The following ALK variants were observed in gnomAD, a reference collection of about 807,000 sequenced individuals.
The protein encoded by ALK is ALK tyrosine kinase receptor.
In ALK, 74 loss-of-function variants were observed where a neutral mutation model predicts 163.1. The ratio of observed to expected loss-of-function variants is 0.45; its 90% CI spans 0.38 to 0.55. The LOEUF is 0.55. Among genes scored for constraint, ALK ranks in the 20% least tolerant of loss-of-function variants. ALK has a pLI of 0.00. For synonymous variants in ALK, 960 were observed against 843.2 expected (o/e 1.14, Z -2.40); for missense variants, 2,063 against 2,105.3 (o/e 0.98, Z 0.39).
At chr2:29,732,174 G>C (rs770128986) in intron 1 of ALK, among the ~76,000 whole-genome samples, 2 of 152,148 alleles carry the variant, frequency 1.3e-5, no homozygotes, top group African/African-American at 2.4e-5. Context: ...CAGCCTCATA[G>C]CATGAGATTT....
intron 2 of ALK, 108 bp from the exon 3 acceptor site, chr2:29,695,122 G>A: frequency 7.7e-7 from 1 of 1,296,572 alleles, no homozygotes; most frequent in Non-Finnish European, 1.1e-6. Context: ...CACATCCTTT[G>A]CCCTGTCCAA....
chr2:29,320,669 G>T, intron 7 of ALK, 82 bp downstream of exon 7: 1 of 1,597,716 alleles, frequency 6.3e-7, no homozygotes, highest in Non-Finnish European at 8.6e-7. Flanking sequence ...TGCAGGTGGG[G>T]TGAAGTCCAG....
intron 6 of ALK, among the ~76,000 whole-genome samples, chr2:29,326,082 G>C (rs1040700401): frequency 1.3e-5 from 2 of 152,166 alleles, no homozygotes; most frequent in African/African-American, 2.4e-5. Context: ...GAACACAGTG[G>C]GGGTGTTCTC....
At chr2:29,590,273 G>C (rs967168024) in intron 3 of ALK, among the ~76,000 whole-genome samples, 23 of 152,116 alleles carry the variant, frequency 1.5e-4, no homozygotes, top group African/African-American at 5.6e-4. Flanking sequence ...TTGAAAACGG[G>C]TCACTAATTT....
chr2:29,223,408 AAGCAGT>A lies in ALK; in HGVS notation c.3287_3292del (p.Tyr1096_Cys1097del), dbSNP rs776101205. ...ACTGATGGAGGAGGTCTTGCCAGCA[AAGCAGT>A]AGTTGGGGTTGTAGTCGGTCATGAT... On this transcript the variant is annotated inframe_deletion, in exon 20 of 29. Transcript: ENST00000389048. 1 of 1,614,166 alleles carries A rather than the reference AAGCAGT, an allele frequency of 6.2e-7. No homozygotes were observed. Among genetic ancestry groups the A allele is most frequent in the Admixed American group, 1.7e-5 (1 of 60,026 alleles).
chr2:29,351,130 C>T (rs1353418480), intron 5 of ALK, among the ~76,000 whole-genome samples: 2 of 152,232 alleles, frequency 1.3e-5, no homozygotes, highest in Non-Finnish European at 2.9e-5. Context: ...TTCACCACAA[C>T]AGTGTTGGGA....
intron 4 of ALK, among the ~76,000 whole-genome samples, chr2:29,439,911 A>G (rs1161407439): frequency 1.3e-5 from 2 of 152,114 alleles, no homozygotes; most frequent in Non-Finnish European, 2.9e-5. Context: ...TGAATAAGCC[A>G]TCCATTCTAG....
At chr2:29,553,052 A>G (rs1047477344) in intron 3 of ALK, among the ~76,000 whole-genome samples, 10 of 152,252 alleles carry the variant, frequency 6.6e-5, no homozygotes, top group Admixed American at 4.6e-4. Context: ...ATCCTTCCAG[A>G]TTCAGCTCAG....
Position 29,227,185 on chromosome 2 carries a change from T to A in ALK, c.2915-111A>T. ...TGGGTGCTCTGGTGGTCCCTGTTCCTAGGTCCCATAGCCACTGGAAGCACA... is the reference window on the plus strand; with the variant it reads ...TGGGTGCTCTGGTGGTCCCTGTTCCAAGGTCCCATAGCCACTGGAAGCACA... On this transcript the variant is annotated intron_variant, in intron 17 of 28. Transcript: ENST00000389048. This position sits in a 1 kb window ranked among gnomAD's most constrained non-coding sequence, Gnocchi z 4.4. The A allele has an allele frequency of 7.3e-7, 1 of 1,371,772 alleles. No individual in the cohort carries two copies. Among genetic ancestry groups the A allele is most frequent in the Non-Finnish European group, 1.0e-6 (1 of 966,104 alleles). The allele number at this position is 1,371,772 out of a possible 1,614,324, so 85.0% of individuals were successfully genotyped here.
At chr2:29,402,226 T>TG (rs1349514292) in intron 4 of ALK, among the ~76,000 whole-genome samples, 1 of 152,224 alleles carries the variant, frequency 6.6e-6, no homozygotes, top group East Asian at 1.9e-4. Flanking sequence ...TCAGATTGTG[T>TG]GGGGGGCCAG....
At chr2:29,301,226 T>A (rs1421269651) in intron 8 of ALK, among the ~76,000 whole-genome samples, 1 of 152,212 alleles carries the variant, frequency 6.6e-6, no homozygotes, top group East Asian at 1.9e-4. Context: ...TTTCCTTCTG[T>A]CTTCTTAAAA....
At chr2:29,831,056 G>T (rs1268867568) in intron 1 of ALK, among the ~76,000 whole-genome samples, 25 of 26,978 alleles carry the variant, frequency 9.3e-4, no homozygotes, top group Non-Finnish European at 1.4e-3. Context: ...AAGGAGAAGA[G>T]GAAGGGGAGG....
At chr2:29,602,577 G>A (rs533339823) in intron 3 of ALK, among the ~76,000 whole-genome samples, 1 of 152,216 alleles carries the variant, frequency 6.6e-6, no homozygotes, top group South Asian at 2.1e-4. Flanking sequence ...AACAAGATCT[G>A]GAAACCACAA....
At chr2:29,666,180 G>T (rs1183606181) in intron 3 of ALK, among the ~76,000 whole-genome samples, 5 of 151,896 alleles carry the variant, frequency 3.3e-5, no homozygotes, top group African/African-American at 1.2e-4. Flanking sequence ...ACTTTGTCTG[G>T]CATGATTTGT....
chr2:29,424,010 T>A (rs566959104), intron 4 of ALK, among the ~76,000 whole-genome samples: 1 of 152,344 alleles, frequency 6.6e-6, no homozygotes, highest in South Asian at 2.1e-4. Context: ...AGGCCTTTTT[T>A]TCATGTATCG....
At position 29,670,108 on chromosome 2, in the gene ALK, G is replaced by T. The variant is rs186025860; in HGVS notation, c.952+24742C>A. Among the ~76,000 whole-genome samples, 1,235 of 152,094 alleles carry T rather than the reference G, an allele frequency of 8.1e-3. 15 individuals carry two copies. The highest frequency in any genetic ancestry group is 0.044 in the South Asian group (213 of 4,824). On this transcript the variant is annotated intron_variant, in intron 3 of 28. Transcript: ENST00000389048. ...TTTGTGTACTTAATTTTACCAGTGGGTTTTTCACTTTGAAATGTTTTTCTT... is the reference window on the plus strand; with the variant it reads ...TTTGTGTACTTAATTTTACCAGTGGTTTTTTCACTTTGAAATGTTTTTCTT...
chr2:29,479,754 C>T (rs1042773782), intron 4 of ALK, among the ~76,000 whole-genome samples: 1 of 152,212 alleles, frequency 6.6e-6, no homozygotes, highest in Non-Finnish European at 1.5e-5. Flanking sequence ...GTCCTTTGCT[C>T]TCCTACCACC....
At chr2:29,893,882 A>G (rs1226980770) in intron 1 of ALK, among the ~76,000 whole-genome samples, 1 of 152,164 alleles carries the variant, frequency 6.6e-6, no homozygotes, top group African/African-American at 2.4e-5. Flanking sequence ...GACCTTGAGC[A>G]AGGTAAACTC....
chr2:29,659,805 T>C (rs966782744), intron 3 of ALK, among the ~76,000 whole-genome samples: 1 of 152,144 alleles, frequency 6.6e-6, no homozygotes, highest in African/African-American at 2.4e-5. Context: ...AAAAGAGATT[T>C]ATTACCATCA....
Sources: gnomAD v4.1 joint callset for allele counts (sites outside exome capture counted in the v4.1 genomes callset) on GRCh38, gnomAD v4.1.1 for gene constraint, Gnocchi (gnomAD v3.1) non-coding constraint, MANE v1.5 for transcripts, NCBI Gene and HGNC (gene_info 2026-07-23, HGNC 2026-07-21) for gene names.